Variants in MOXD1 observed in about 807,000 individuals in gnomAD.
MOXD1 encodes monooxygenase DBH like 1.
A neutral mutation model predicts 66.6 loss-of-function variants in MOXD1; 62 were observed. The observed-to-expected ratio is 0.93, with a 90% CI of 0.76 to 1.15. The LOEUF (loss-of-function observed/expected upper bound fraction) is 1.15, where lower values mean the gene tolerates loss of function less well. Ranked by LOEUF, MOXD1 falls within the 50% of genes most tolerant of loss-of-function variation. The pLI, the probability that MOXD1 is intolerant of heterozygous loss-of-function variation, is 0.00. For synonymous variants in MOXD1, 303 were observed against 281.9 expected (o/e 1.07, Z -0.75); for missense variants, 847 against 754.6 (o/e 1.12, Z -1.44).
At chr6:132,301,567 T>A (rs896110878) in intron 10 of MOXD1, among the ~76,000 whole-genome samples, 1 of 152,138 alleles carries the variant, frequency 6.6e-6, no homozygotes, top group African/African-American at 2.4e-5. Context: ...TTATTGCTAA[T>A]GTCTTTCTCG....
intron 4 of MOXD1, among the ~76,000 whole-genome samples, chr6:132,370,069 A>G (rs527503916): frequency 6.6e-6 from 1 of 152,254 alleles, no homozygotes; most frequent in East Asian, 1.9e-4. Flanking sequence ...TATAAAATCA[A>G]TCTTCTCATT....
At position 132,345,371 on chromosome 6, in the gene MOXD1, G is replaced by T. The variant is rs569386460; in HGVS notation, c.664-16777C>A. Among the ~76,000 whole-genome samples the T allele has an allele frequency of 3.3e-5, 5 of 151,952 alleles. 1 individual carries two copies. The South Asian group carries it at 8.3e-4, about 25-fold the overall frequency. ...ATGATTTTGTCTATCTATATTATCTGCTTAATGCTGGCCTCACAGAATAAA... is the reference window on the plus strand; with the variant it reads ...ATGATTTTGTCTATCTATATTATCTTCTTAATGCTGGCCTCACAGAATAAA... On this transcript the variant is annotated intron_variant, in intron 4 of 11. Coordinates refer to ENST00000367963, the MANE Select transcript of MOXD1 (RefSeq NM_015529.4).
chr6:132,328,958 C>CT (rs1418847858), intron 4 of MOXD1, among the ~76,000 whole-genome samples: 3 of 151,896 alleles, frequency 2.0e-5, no homozygotes, highest in African/African-American at 7.3e-5. Context: ...CTGCCTCTCA[C>CT]TTTTTTTTAA....
chr6:132,362,541 A>G (rs993564154), intron 4 of MOXD1, among the ~76,000 whole-genome samples: 18 of 152,182 alleles, frequency 1.2e-4, no homozygotes, highest in African/African-American at 4.1e-4. Context: ...CCAACAACAT[A>G]TATCTCTTCG....
chr6:132,386,476 A>C (rs9375882), intron 1 of MOXD1, among the ~76,000 whole-genome samples: 14,655 of 150,334 alleles, frequency 0.097, 1,391 homozygotes, highest in East Asian at 0.39. Context: ...AGATGAAATA[A>C]TCTCATAACC....
At chr6:132,385,871 A>G (rs1319940376) in intron 1 of MOXD1, among the ~76,000 whole-genome samples, 1 of 151,838 alleles carries the variant, frequency 6.6e-6, no homozygotes, top group Non-Finnish European at 1.5e-5. Flanking sequence ...TGGGAGGCTG[A>G]GGCGGGCGGA....
At chr6:132,376,658 C>T (rs1406135384) in intron 1 of MOXD1, among the ~76,000 whole-genome samples, 2 of 98,156 alleles carry the variant, frequency 2.0e-5, no homozygotes, top group East Asian at 4.5e-4. Flanking sequence ...GGACTACAGG[C>T]GCCCGCCACT....
Position 132,401,289 on chromosome 6 carries a change from G to A in MOXD1, c.138C>T (p.Ser46=), listed in dbSNP as rs781499288. The change falls in exon 1 of 12, where the codon AGC becomes AGT. Residue 46 remains serine (S), a synonymous_variant. Coordinates refer to ENST00000367963, the MANE Select transcript of MOXD1 (RefSeq NM_015529.4). ...GCACCTGGAGGCGGAAGGCGATCTG[G>A]CTGCCCCGCTGGCTCCAGCCCAGCC... ...KYWLGWSQRG[S]QIAFRLQVRT... 4 of 1,597,418 alleles carry A rather than the reference G, an allele frequency of 2.5e-6. No homozygotes were observed. The highest frequency in any genetic ancestry group is 1.7e-5 in the Admixed American group (1 of 59,482).
At chr6:132,315,217 C>A (rs994199852) in intron 10 of MOXD1, among the ~76,000 whole-genome samples, 2 of 152,158 alleles carry the variant, frequency 1.3e-5, no homozygotes, top group African/African-American at 4.8e-5. Flanking sequence ...CTCCAATAGA[C>A]AACATTCCAT....
intron 7 of MOXD1, among the ~76,000 whole-genome samples, chr6:132,323,343 T>C (rs1280779544): frequency 6.6e-6 from 1 of 152,096 alleles, no homozygotes; most frequent in African/African-American, 2.4e-5. Context: ...CCTAAATAAC[T>C]CAGAAGAGCA....
chr6:132,378,237 T>C (rs1422959227), intron 1 of MOXD1, among the ~76,000 whole-genome samples: 1 of 152,198 alleles, frequency 6.6e-6, no homozygotes, highest in Non-Finnish European at 1.5e-5. Flanking sequence ...AATAATATTA[T>C]TATTTAACAT....
chr6:132,342,202 A>C (rs897544090), intron 4 of MOXD1, among the ~76,000 whole-genome samples: 1 of 152,152 alleles, frequency 6.6e-6, no homozygotes, highest in African/African-American at 2.4e-5. Context: ...GGGTTTCACC[A>C]TGTTGGCCAG....
chr6:132,297,352 T>C (rs1774426056), intron 11 of MOXD1, 35 bp from the exon 12 acceptor site: 2 of 1,605,078 alleles, frequency 1.2e-6, no homozygotes, highest in African/African-American at 1.3e-5. Flanking sequence ...CAAATGAACA[T>C]CTGATTTAAG....
chr6:132,350,079 G>C (rs1224316722), intron 4 of MOXD1, among the ~76,000 whole-genome samples: 1 of 152,180 alleles, frequency 6.6e-6, no homozygotes, highest in Non-Finnish European at 1.5e-5. Flanking sequence ...TGGGTTGTCT[G>C]TTTACTCTGC....
At chr6:132,334,968 G>C (rs1475781365) in intron 4 of MOXD1, among the ~76,000 whole-genome samples, 1 of 152,158 alleles carries the variant, frequency 6.6e-6, no homozygotes, top group African/African-American at 2.4e-5. Context: ...TGGGTACAGA[G>C]ATAATACCAA....
At chr6:132,308,867 T>C (rs1300101477) in intron 10 of MOXD1, among the ~76,000 whole-genome samples, 1 of 152,140 alleles carries the variant, frequency 6.6e-6, no homozygotes, top group African/African-American at 2.4e-5. Flanking sequence ...GATGGAAATA[T>C]CTCAAAATAA....
At chr6:132,370,817 T>C (rs1223968422) in intron 4 of MOXD1, among the ~76,000 whole-genome samples, 1 of 152,172 alleles carries the variant, frequency 6.6e-6, no homozygotes, top group Non-Finnish European at 1.5e-5. Flanking sequence ...TTCATGTGTC[T>C]GAGAATTACT....
In MOXD1 at chr6:132,298,077, G is replaced by A. The variant is rs888303360; in HGVS notation, c.1509-122C>T. 5.7e-6 allele frequency: 4 copies of A among 706,236 alleles called. No homozygotes were observed. In the African/African-American group the frequency reaches 7.4e-5, roughly 13 times the overall value. The allele number at this position is 706,236 out of a possible 1,614,324, so 43.7% of individuals were successfully genotyped here. A position where few individuals can be genotyped will look rare whatever the true frequency, so the allele number is the denominator to read the frequency against. The stretch of plus-strand genomic sequence containing the variant: ...TTTTCATACACATAGATAACCTAAT[G>A]CAAAATGTTGATGAGCTCATCAGTG... On this transcript the variant is annotated intron_variant, in intron 10 of 11. Transcript: ENST00000367963.
rs1473079376 is a variant in MOXD1, at chr6:132,349,438, TATATATATATATAC to T, written c.664-20858_664-20845del. On this transcript the variant is annotated intron_variant, in intron 4 of 11. Transcript: ENST00000367963. ...ATATATATACATATATATATATACA[TATATATATATATAC>T]ATATATATATATACATATATATATA... Among the ~76,000 whole-genome samples, 9 of 14,688 alleles carry T rather than the reference TATATATATATATAC, an allele frequency of 6.1e-4. 1 individual carries two copies. Among genetic ancestry groups the T allele is most frequent in the African/African-American group, 2.1e-3 (5 of 2,338 alleles). 9.6% of individuals were successfully genotyped at this position (14,688 alleles called of 152,430 possible).
Sources: allele counts gnomAD v4.1 joint callset (sites outside exome capture counted in the v4.1 genomes callset), GRCh38; gene constraint gnomAD v4.1.1; transcripts MANE v1.5; gene names NCBI Gene and HGNC (gene_info 2026-07-23, HGNC 2026-07-21).